The following CDV3 variants were observed in gnomAD, a reference collection of about 807,000 sequenced individuals.
CDV3 encodes protein CDV3 homolog.
In CDV3, 14 loss-of-function variants were observed where a neutral mutation model predicts 24.5. The ratio of observed to expected loss-of-function variants is 0.57; its 90% CI spans 0.38 to 0.89. The LOEUF (loss-of-function observed/expected upper bound fraction) is 0.89, where lower values mean the gene tolerates loss of function less well. Ranked by LOEUF, CDV3 falls within the 40% of genes least tolerant of loss-of-function variation. The pLI, the probability that CDV3 is intolerant of heterozygous loss-of-function variation, is 0.00. For synonymous variants in CDV3, 114 were observed against 114.1 expected, an observed-to-expected ratio of 1.00 and a Z score of 0.00; for missense variants, 304 against 310.2, an observed-to-expected ratio of 0.98 and a Z score of 0.15.
intron 2 of CDV3, among the ~76,000 whole-genome samples, chr3:133,578,958 GAGAA>G (rs903249551): frequency 5.3e-5 from 8 of 152,136 alleles, no homozygotes; most frequent in South Asian, 2.1e-4. Flanking sequence ...TCAAATCTTA[GAGAA>G]TATTTTTGCA....
chr3:133,573,905 A>C lies in CDV3; in HGVS notation c.-140A>C, dbSNP rs1319276907. On this transcript the variant is annotated 5_prime_UTR_variant, in exon 1 of 5. Coordinates refer to ENST00000264993, the MANE Select transcript of CDV3 (RefSeq NM_017548.5). ...GGGGGAGCCGCCCGTCTCGCCGCGC[A>C]CGCCTCGGCGACCCCGCGGGGCTGA... 1.1e-5 allele frequency: 6 copies of C among 549,630 alleles called. No homozygotes were observed. Among genetic ancestry groups the C allele is most frequent in the African/African-American group, 2.1e-5 (1 of 48,318 alleles). 34.0% of individuals were successfully genotyped at this position (549,630 alleles called of 1,614,324 possible). A position where few individuals can be genotyped will look rare whatever the true frequency, so the allele number is the denominator to read the frequency against.
chr3:133,577,893 CAG>C (rs1399338149), intron 2 of CDV3, among the ~76,000 whole-genome samples: 1 of 152,190 alleles, frequency 6.6e-6, no homozygotes, highest in Non-Finnish European at 1.5e-5. Context: ...CTGTTATAGA[CAG>C]ATTCTTGAGA....
At position 133,574,130 on chromosome 3, in the gene CDV3, C is replaced by T; in HGVS notation, c.86C>T (p.Ala29Val). The change falls in exon 1 of 5, where the codon GCG becomes GTG. Residue 29 changes from alanine (A) to valine (V), a missense_variant. Coordinates refer to ENST00000264993, the MANE Select transcript of CDV3 (RefSeq NM_017548.5). ...AAGAAGGAGCGGAGCAACCGGGCGG[C>T]GAGTGCCGCGGGCGCAGCGGGCAGC... is the stretch of plus-strand genomic sequence containing the variant. The part of the protein sequence containing the change: ...KKKKERSNRA[A>V]SAAGAAGSAG... The T allele has an allele frequency of 2.5e-6, 3 of 1,194,958 alleles. No homozygotes were observed. The highest frequency in any genetic ancestry group is 3.2e-6 in the Non-Finnish European group (3 of 941,520). 74.0% of individuals were successfully genotyped at this position (1,194,958 alleles called of 1,614,324 possible).
rs997337775 is a variant in CDV3 at position 133,582,805 on chromosome 3, T to C, written c.318-1197T>C. 2.2e-4 allele frequency among the ~76,000 whole-genome samples: 33 copies of C among 152,090 alleles called. 1 individual carries two copies. Among genetic ancestry groups the C allele is most frequent in the Admixed American group, 2.0e-3 (30 of 15,256 alleles). ...GTCATGAAAAATAATTTTATGAAAA[T>C]GTTGGTAGTTTCTGCCAGGTGTATC... On this transcript the variant is annotated intron_variant, in intron 2 of 4. Coordinates refer to ENST00000264993, the MANE Select transcript of CDV3 (RefSeq NM_017548.5).
chr3:133,589,704 A>G lies in CDV3; in HGVS notation c.*1658A>G, dbSNP rs890110274. On this transcript the variant is annotated 3_prime_UTR_variant, in exon 5 of 5. Transcript: ENST00000264993. ...GTCTTGACGAAAGTGTCCGTGCAGGAATTGGACTCCGAGGAGGGTTACAGT... is the reference window on the plus strand; with the variant it reads ...GTCTTGACGAAAGTGTCCGTGCAGGGATTGGACTCCGAGGAGGGTTACAGT... 1 of 152,616 alleles carries G rather than the reference A, an allele frequency of 6.6e-6. No individual in the cohort carries two copies. Among genetic ancestry groups the G allele is most frequent in the Non-Finnish European group, 1.5e-5 (1 of 68,040 alleles). The allele number at this position is 152,616 out of a possible 1,614,324, so 9.5% of individuals were successfully genotyped here. A position where few individuals can be genotyped will look rare whatever the true frequency, so the allele number is the denominator to read the frequency against.
At chr3:133,585,339 C>T (rs1933481805) in intron 3 of CDV3, among the ~76,000 whole-genome samples, 1 of 152,088 alleles carries the variant, frequency 6.6e-6, no homozygotes, top group South Asian at 2.1e-4. Flanking sequence ...CACACCCGGT[C>T]TTATGTTTTT....
At chr3:133,576,859 T>TTTTTTTTTTTTG (rs2074832937) in intron 2 of CDV3, among the ~76,000 whole-genome samples, 1 of 134,824 alleles carries the variant, frequency 7.4e-6, no homozygotes, top group Non-Finnish European at 1.6e-5. Flanking sequence ...TTTTTTTTTT[T>TTTTTTTTTTTTG]TTTTTGAGAC....
intron 2 of CDV3, among the ~76,000 whole-genome samples, chr3:133,576,351 G>T (rs111259706): frequency 0.014 from 2,112 of 152,232 alleles, 39 homozygotes; most frequent in African/African-American, 0.049. Flanking sequence ...TCTCTTTTCT[G>T]TCTCCTGGGG....
chr3:133,581,730 A>C (rs1933044546), intron 2 of CDV3, among the ~76,000 whole-genome samples: 1 of 152,178 alleles, frequency 6.6e-6, no homozygotes, highest in African/African-American at 2.4e-5. Context: ...ACATTCTAGC[A>C]CCCAGAGCTA....
chr3:133,586,183 C>A (rs1447496693), intron 3 of CDV3, among the ~76,000 whole-genome samples: 1 of 152,132 alleles, frequency 6.6e-6, no homozygotes, highest in African/African-American at 2.4e-5. Context: ...GCAACCTCTG[C>A]CTCCTAGGTT....
chr3:133,583,651 C>T (rs748029761), intron 2 of CDV3, among the ~76,000 whole-genome samples: 5 of 152,188 alleles, frequency 3.3e-5, no homozygotes, highest in Non-Finnish European at 7.3e-5. Context: ...CAGCCTCTGC[C>T]TTCCGGGTTC....
intron 2 of CDV3, among the ~76,000 whole-genome samples, chr3:133,579,328 A>G (rs2074931225): frequency 6.6e-6 from 1 of 152,242 alleles, no homozygotes; most frequent in Non-Finnish European, 1.5e-5. Flanking sequence ...GTTTGTTTAT[A>G]AAATTTAGCT....
rs563062836 is a variant in CDV3 at position 133,588,317 on chromosome 3, C to G, written c.*271C>G. ...TGCAAATACAAAAAACCAAAACCTG[C>G]AGCCAGTGGTCATTTCAAAATCTTT... is the stretch of plus-strand genomic sequence containing the variant. On this transcript the variant is annotated 3_prime_UTR_variant, in exon 5 of 5. Coordinates refer to ENST00000264993, the MANE Select transcript of CDV3 (RefSeq NM_017548.5). 8.7e-5 allele frequency: 134 copies of G among 1,536,824 alleles called. 1 individual carries two copies. The South Asian group carries it at 1.5e-3, about 18-fold the overall frequency.
At position 133,576,841 on chromosome 3, in the gene CDV3, C is replaced by CTTTTTTTTTTTTTTTTTTTTTTT. The variant is rs370619351; in HGVS notation, c.317+1727_317+1749dup. Among the ~76,000 whole-genome samples the CTTTTTTTTTTTTTTTTTTTTTTT allele has an allele frequency of 5.6e-4, 35 of 62,392 alleles. 12 individuals carry two copies. The highest frequency in any genetic ancestry group is 8.1e-4 in the African/African-American group (12 of 14,734). The allele number at this position is 62,392 out of a possible 152,430, so 40.9% of individuals were successfully genotyped here. A position where few individuals can be genotyped will look rare whatever the true frequency, so the allele number is the denominator to read the frequency against. ...TCTGTTCAACCTGAAGGTAGACTAG[C>CTTTTTTTTTTTTTTTTTTTTTTT]TTTTTTTTTTTTTTTTTTTTTTTGA... On this transcript the variant is annotated intron_variant, in intron 2 of 4. Transcript: ENST00000264993.
intron 2 of CDV3, among the ~76,000 whole-genome samples, chr3:133,580,132 C>A (rs1196151458): frequency 2.0e-5 from 3 of 152,002 alleles, no homozygotes; most frequent in Admixed American, 1.3e-4. Context: ...TCCCCCACCC[C>A]CCAACAGGCC....
intron 2 of CDV3, among the ~76,000 whole-genome samples, chr3:133,581,758 A>G (rs1376493172): frequency 6.6e-6 from 1 of 152,144 alleles, no homozygotes; most frequent in Non-Finnish European, 1.5e-5. Context: ...AAACTTTTTA[A>G]AATTGTTGTA....
At chr3:133,587,142 AAAT>A (rs3836291) in intron 4 of CDV3, 19,931 of 1,241,468 alleles carry the variant, frequency 0.016, 673 homozygotes, top group African/African-American at 0.13. Context: ...TCTAATATTA[AAAT>A]AATCTTATTT....
At chr3:133,576,102 A>G (rs372775755) in intron 2 of CDV3, among the ~76,000 whole-genome samples, 8 of 152,260 alleles carry the variant, frequency 5.3e-5, no homozygotes, top group African/African-American at 1.9e-4. Flanking sequence ...AACTTACTCA[A>G]AAAGCAGGGT....
chr3:133,582,109 C>T (rs1427527377), intron 2 of CDV3, among the ~76,000 whole-genome samples: 2 of 152,114 alleles, frequency 1.3e-5, no homozygotes, highest in African/African-American at 4.8e-5. Context: ...CCTCCAAATT[C>T]TGCAGTCACT....
Sources: gnomAD v4.1 joint callset for allele counts (sites outside exome capture counted in the v4.1 genomes callset) on GRCh38, gnomAD v4.1.1 for gene constraint, MANE v1.5 for transcripts, NCBI Gene and HGNC (gene_info 2026-07-23, HGNC 2026-07-21) for gene names.